IGF1R: variants seen among roughly 807,000 people sequenced by gnomAD.
IGF1R encodes insulin like growth factor 1 receptor, also known as insulin-like growth factor 1 receptor.
IGF1R carries 44 observed loss-of-function variants against 144.6 expected under a neutral mutation model. That is an observed-to-expected ratio of 0.30 (90% CI 0.24 to 0.39). The LOEUF (loss-of-function observed/expected upper bound fraction) is 0.39. Ranked by LOEUF, IGF1R falls within the 10% of genes least tolerant of loss-of-function variation. The pLI, the probability that IGF1R is intolerant of heterozygous loss-of-function variation, is 1.00. For synonymous variants in IGF1R, 795 were observed against 722.8 expected (o/e 1.10, Z -1.60); for missense variants, 1,355 against 1,833.7 (o/e 0.74, Z 4.77).
rs1158246488 is a variant in IGF1R, at chr15:98,725,407, G to A, written c.640+17300G>A. The stretch of plus-strand genomic sequence containing the variant: ...CATCTTTTTTTTCCCCTAATCTGTG[G>A]TTAGAACTCTCAGAAACTTTTAGAA... On this transcript the variant is annotated intron_variant, in intron 2 of 20. Transcript: ENST00000650285. Among the ~76,000 whole-genome samples, 3 of 152,222 alleles carry A rather than the reference G, an allele frequency of 2.0e-5. No individual in the cohort carries two copies. In the South Asian group the frequency reaches 6.2e-4, roughly 32 times the overall value.
intron 2 of IGF1R, among the ~76,000 whole-genome samples, chr15:98,866,616 C>T (rs1366009114): frequency 4.6e-5 from 7 of 152,166 alleles, no homozygotes. Flanking sequence ...TAGTGACGTC[C>T]TTGCATCAGC....
intron 2 of IGF1R, among the ~76,000 whole-genome samples, chr15:98,765,167 T>C (rs987092138): frequency 1.3e-5 from 2 of 152,212 alleles, no homozygotes; most frequent in Non-Finnish European, 2.9e-5. Context: ...GGGTGAATAA[T>C]AGTCCATTGT....
At chr15:98,792,683 G>T (rs1339931273) in intron 2 of IGF1R, among the ~76,000 whole-genome samples, 1 of 152,160 alleles carries the variant, frequency 6.6e-6, no homozygotes, top group East Asian at 1.9e-4. Flanking sequence ...GCATGGGAGG[G>T]TGGGAAGGTC....
intron 2 of IGF1R, among the ~76,000 whole-genome samples, chr15:98,835,749 T>C (rs541927519): frequency 5.9e-5 from 9 of 152,324 alleles, no homozygotes; most frequent in African/African-American, 1.4e-4. Flanking sequence ...CAAAATCACC[T>C]CTGGAACTAA....
intron 2 of IGF1R, among the ~76,000 whole-genome samples, chr15:98,789,223 C>G (rs929638960): frequency 1.3e-5 from 2 of 152,150 alleles, no homozygotes; most frequent in Non-Finnish European, 2.9e-5. Flanking sequence ...CTTGATTTAT[C>G]TTTGAAAGAA....
chr15:98,667,142 A>AT lies in IGF1R; in HGVS notation c.94+17474dup, dbSNP rs1883401205. Among the ~76,000 whole-genome samples, 2 of 142,662 alleles carry AT rather than the reference A, an allele frequency of 1.4e-5. 1 individual carries two copies. Among genetic ancestry groups the AT allele is most frequent in the South Asian group, 4.7e-4 (2 of 4,254 alleles). The allele number at this position is 142,662 out of a possible 152,430, so 93.6% of individuals were successfully genotyped here. Reference sequence around the variant, plus strand: ...ATATCAAGAGACAGTATTGCAGATAATTTTTTTCTTTCAAGGAAAGCAAGT... The same window carrying AT: ...ATATCAAGAGACAGTATTGCAGATAATTTTTTTTCTTTCAAGGAAAGCAAGT... On this transcript the variant is annotated intron_variant, in intron 1 of 20. Transcript: ENST00000650285.
chr15:98,781,474 C>T (rs2055859711), intron 2 of IGF1R, among the ~76,000 whole-genome samples: 1 of 152,186 alleles, frequency 6.6e-6, no homozygotes, highest in Non-Finnish European at 1.5e-5. Context: ...TAGAGCTACC[C>T]ATAGCTGGTG....
At chr15:98,775,957 T>TA (rs2055702586) in intron 2 of IGF1R, among the ~76,000 whole-genome samples, 1 of 152,202 alleles carries the variant, frequency 6.6e-6, no homozygotes, top group South Asian at 2.1e-4. Context: ...GTTGAAAGAA[T>TA]ATTTGCCTAA....
intron 2 of IGF1R, among the ~76,000 whole-genome samples, chr15:98,853,113 T>C (rs2011609548): frequency 6.6e-6 from 1 of 152,192 alleles, no homozygotes; most frequent in Non-Finnish European, 1.5e-5. Context: ...CTGGTTTGGG[T>C]CACATCGGAT....
At chr15:98,913,014 G>T in intron 7 of IGF1R, 30 bp from the exon 8 acceptor site, 3 of 1,544,834 alleles carry the variant, frequency 1.9e-6, no homozygotes, top group South Asian at 1.1e-5. Flanking sequence ...TCAGAGCCCC[G>T]AACTTTCTCT....
chr15:98,829,061 G>A (rs1025387783), intron 2 of IGF1R, among the ~76,000 whole-genome samples: 2 of 152,048 alleles, frequency 1.3e-5, no homozygotes, highest in Admixed American at 1.3e-4. Flanking sequence ...ACTGCTCTAT[G>A]TTATTAGAAG....
At chr15:98,907,821 G>A (rs2014805728) in intron 5 of IGF1R, among the ~76,000 whole-genome samples, 1 of 152,228 alleles carries the variant, frequency 6.6e-6, no homozygotes, top group African/African-American at 2.4e-5. Context: ...GTCTGGTTTG[G>A]TGGGCTTTGG....
intron 6 of IGF1R, 65 bp from the exon 7 acceptor site, chr15:98,911,250 G>A (rs1454475920): frequency 6.2e-7 from 1 of 1,604,802 alleles, no homozygotes; most frequent in Non-Finnish European, 8.5e-7. Flanking sequence ...GCAGTGCCAA[G>A]CAAGACAGGT....
chr15:98,693,064 T>C (rs2053515162), intron 1 of IGF1R, among the ~76,000 whole-genome samples: 1 of 152,148 alleles, frequency 6.6e-6, no homozygotes, highest in Non-Finnish European at 1.5e-5. Context: ...TGGAGCATGC[T>C]CTGTGGTTCC....
intron 2 of IGF1R, among the ~76,000 whole-genome samples, chr15:98,720,570 G>A (rs1054048235): frequency 2.0e-5 from 3 of 152,128 alleles, no homozygotes; most frequent in Non-Finnish European, 4.4e-5. Flanking sequence ...GGCTGCAATT[G>A]GAAAGTTCCA....
intron 2 of IGF1R, among the ~76,000 whole-genome samples, chr15:98,855,562 A>G (rs527919784): frequency 6.6e-6 from 1 of 152,306 alleles, no homozygotes; most frequent in African/African-American, 2.4e-5. Context: ...TTTCCCCCAC[A>G]TGGATTGATG....
rs1471169852 is a variant in IGF1R, at chr15:98,896,825, T to C, written c.1022T>C (p.Ile341Thr). ...GAGGAAGAAAAGAAAACAAAGACCATTGATTCTGTTACTTCTGCTCAGATG... is the reference window on the plus strand; with the variant it reads ...GAGGAAGAAAAGAAAACAAAGACCACTGATTCTGTTACTTCTGCTCAGATG... ...VCEEEKKTKT[I>T]DSVTSAQMLQ... is the part of the protein sequence containing the mutation. The change falls in exon 4 of 21, where the codon ATT (isoleucine) becomes ACT (threonine). Residue 341 changes from isoleucine to threonine, a missense_variant. By Grantham distance (89) the Ile-to-Thr change is moderately conservative. Coordinates refer to ENST00000650285, the MANE Select transcript of IGF1R (RefSeq NM_000875.5). 3 of 1,613,982 alleles carry C rather than the reference T, an allele frequency of 1.9e-6. No homozygotes were observed. The highest frequency in any genetic ancestry group is 2.7e-5 in the African/African-American group (2 of 74,904).
intron 2 of IGF1R, among the ~76,000 whole-genome samples, chr15:98,803,965 G>A (rs1302765419): frequency 6.6e-6 from 1 of 152,162 alleles, no homozygotes; most frequent in Non-Finnish European, 1.5e-5. Context: ...CTGGCAGCAC[G>A]GGTTTGTTTG....
At chr15:98,807,384 C>A (rs186023493) in intron 2 of IGF1R, among the ~76,000 whole-genome samples, 2 of 152,186 alleles carry the variant, frequency 1.3e-5, no homozygotes, top group South Asian at 2.1e-4. Flanking sequence ...TAAGTTCGGG[C>A]AGCTTTCTAG....
Sources: allele counts gnomAD v4.1 joint callset (sites outside exome capture counted in the v4.1 genomes callset), GRCh38; gene constraint gnomAD v4.1.1; transcripts MANE v1.5; gene names NCBI Gene and HGNC (gene_info 2026-07-23, HGNC 2026-07-21).